WIZ: variants seen among roughly 807,000 people sequenced by gnomAD.
The protein encoded by WIZ is protein Wiz.
Under a neutral mutation model 140.2 loss-of-function variants are expected in WIZ, and 25 were observed. The observed-to-expected ratio is 0.18, with a 90% CI of 0.13 to 0.25. The LOEUF is 0.25. Among genes scored for constraint, WIZ ranks in the 10% least tolerant of loss-of-function variants. The pLI, the probability that WIZ is intolerant of heterozygous loss-of-function variation, is 1.00. For synonymous variants in WIZ, 1,125 were observed against 1,154.3 expected, an observed-to-expected ratio of 0.97 and a Z score of 0.51; for missense variants, 2,231 against 2,632.6, an observed-to-expected ratio of 0.85 and a Z score of 3.34.
In WIZ at chr19:15,427,378, C is replaced by T. The variant is rs778230146; in HGVS notation, c.3970G>A (p.Glu1324Lys). The T allele has an allele frequency of 6.2e-7, 1 of 1,613,618 alleles. No individual in the cohort carries two copies. The highest frequency in any genetic ancestry group is 1.1e-5 in the South Asian group (1 of 91,080). ...GACTGGGTCCGTCTCTTCAGGATCT[C>T]CCGCAGCGTGTCGATGGGCGAGCCA... is the stretch of plus-strand genomic sequence containing the variant. ...VNGSPIDTLR[E>K]ILKRRTQSRP... Residue 1324 changes from glutamate (E) to lysine (K), a missense_variant, in exon 9 of 13, where the codon GAG (glutamate) becomes AAG (lysine). Glu to Lys is a moderately conservative substitution (Grantham distance 56). This residue lies in a region of WIZ where 393 missense variants were observed against 451.7 expected (regional missense o/e 0.87). Coordinates refer to ENST00000673675, the MANE Select transcript of WIZ (RefSeq NM_001371589.1). This position sits in a 1 kb window ranked among gnomAD's most constrained non-coding sequence, Gnocchi z 6.4.
At position 15,427,109 on chromosome 19, in the gene WIZ, C is replaced by T; in HGVS notation, c.4239G>A (p.Lys1413=). 1 of 1,614,206 alleles carries T rather than the reference C, an allele frequency of 6.2e-7. No homozygotes were observed. Among genetic ancestry groups the T allele is most frequent in the Non-Finnish European group, 8.5e-7 (1 of 1,180,028 alleles). Residue 1413 remains lysine (K), a synonymous_variant, in exon 9 of 13, where the codon AAG becomes AAA. Transcript: ENST00000673675. This position sits in a 1 kb window ranked among gnomAD's most constrained non-coding sequence, Gnocchi z 6.4. The part of the protein sequence containing the change: ...PGLAAPSLPK[K]LKPEQIRVEI... ...CCACCCGTATTTGTTCAGGCTTCAG[C>T]TTCTTGGGCAAGGAGGGTGCAGCCA...
chr19:15,428,219 C>A lies in WIZ; in HGVS notation c.3705G>T (p.Lys1235Asn). ...GGCTGGCCATACCCGCGGCCTTCAG[C>A]TTGGCCTTCTTGGCCGGCGGTGGGG... Reference protein sequence around the residue: ...LPPPPPAKKAKLKAAGMASPW... With the variant: ...LPPPPPAKKANLKAAGMASPW... Residue 1235 changes from lysine to asparagine, a missense_variant, in exon 8 of 13, where the codon AAG becomes AAT. Coordinates refer to ENST00000673675, the MANE Select transcript of WIZ (RefSeq NM_001371589.1). The surrounding 1 kb of genome is among the most constrained non-coding windows in gnomAD (Gnocchi z 6.4). The A allele has an allele frequency of 6.5e-7, 1 of 1,532,400 alleles. No homozygotes were observed. 94.9% of individuals were successfully genotyped at this position (1,532,400 alleles called of 1,614,324 possible).
intron 2 of WIZ, among the ~76,000 whole-genome samples, chr19:15,447,226 A>C (rs538236161): frequency 6.6e-6 from 1 of 152,170 alleles, no homozygotes; most frequent in African/African-American, 2.4e-5. Flanking sequence ...CCAGCCTCCT[A>C]CCAGGTCCTT....
chr19:15,424,496 G>T lies in WIZ; in HGVS notation c.5314+117C>A. 6.5e-7 allele frequency: 1 copy of T among 1,529,020 alleles called. No individual in the cohort carries two copies. The highest frequency in any genetic ancestry group is 8.8e-7 in the Non-Finnish European group (1 of 1,135,772). 94.7% of individuals were successfully genotyped at this position (1,529,020 alleles called of 1,614,324 possible). On this transcript the variant is annotated intron_variant, in intron 11 of 12. Coordinates refer to ENST00000673675, the MANE Select transcript of WIZ (RefSeq NM_001371589.1). This position sits in a 1 kb window ranked among gnomAD's most constrained non-coding sequence, Gnocchi z 9.7. ...TGGGTGGGATGGGGGATGGATGGGT[G>T]AATGGGTAAGCAACTGGAGAAAGGA... is the stretch of plus-strand genomic sequence containing the variant.
At chr19:15,446,754 A>C (rs1228791976) in intron 2 of WIZ, among the ~76,000 whole-genome samples, 6 of 152,226 alleles carry the variant, frequency 3.9e-5, no homozygotes, top group Non-Finnish European at 8.8e-5. Context: ...ACCTGGTGAC[A>C]TAACACCGGG....
At chr19:15,425,919 A>AGGC (rs1286041413) in intron 9 of WIZ, 151 bp from the exon 10 acceptor site, 2 of 627,564 alleles carry the variant, frequency 3.2e-6, no homozygotes. Flanking sequence ...GAGGAGAAGG[A>AGGC]GGCGGCGGCT....
rs1969208200 is a variant in WIZ at position 15,431,126 on chromosome 19, G to A, written c.2797C>T (p.Pro933Ser). Residue 933 changes from proline to serine, a missense_variant, in exon 6 of 13, where the codon CCT (proline) becomes TCT (serine). This residue lies in a region of WIZ where 137 missense variants were observed against 135.8 expected (regional missense o/e 1.01). Coordinates refer to ENST00000673675, the MANE Select transcript of WIZ (RefSeq NM_001371589.1). Reference protein sequence around the residue: ...VAMDLGSPSLPKKSLPVPGAL... With the variant: ...VAMDLGSPSLSKKSLPVPGAL... ...CCAGGGACAGGCAGGCTCTTCTTAG[G>A]GAGCGAGGGAGAGCCCAAGTCCATG... 1.3e-6 allele frequency: 2 copies of A among 1,535,412 alleles called. No individual in the cohort carries two copies. The highest frequency in any genetic ancestry group is 1.4e-5 in the African/African-American group (1 of 73,038).
chr19:15,434,112 G>T (rs948400260), intron 5 of WIZ, among the ~76,000 whole-genome samples: 2 of 152,106 alleles, frequency 1.3e-5, no homozygotes, highest in Admixed American at 1.3e-4. Flanking sequence ...AAAAAAATTA[G>T]CTGGGCATGG....
intron 2 of WIZ, among the ~76,000 whole-genome samples, chr19:15,445,256 G>T (rs1427615187): frequency 6.6e-6 from 1 of 152,228 alleles, no homozygotes; most frequent in Admixed American, 6.5e-5. Flanking sequence ...CAACTTGGTA[G>T]AGTGGCCAAG....
At position 15,440,240 on chromosome 19, in the gene WIZ, A is replaced by G; in HGVS notation, c.754T>C (p.Trp252Arg). 1.3e-6 allele frequency: 2 copies of G among 1,496,972 alleles called. No individual in the cohort carries two copies. Among genetic ancestry groups the G allele is most frequent in the Non-Finnish European group, 1.8e-6 (2 of 1,127,468 alleles). 92.7% of individuals were successfully genotyped at this position (1,496,972 alleles called of 1,614,324 possible). The part of the protein sequence containing the change: ...DLEGLAQPSE[W>R]GLPTSASEVA... ...TCCGAGGCTGACGTGGGTAGGCCCCACTCGGACGGCTGGGCCAGCCCCTCC... is the reference window on the plus strand; with the variant it reads ...TCCGAGGCTGACGTGGGTAGGCCCCGCTCGGACGGCTGGGCCAGCCCCTCC... The change falls in exon 4 of 13, where the codon TGG (tryptophan) becomes CGG (arginine). Residue 252 changes from tryptophan (W) to arginine (R), a missense_variant. By Grantham distance (101) the Trp-to-Arg change is moderately radical. This residue lies in a region of WIZ where 307 missense variants were observed against 294.1 expected (regional missense o/e 1.04). Transcript: ENST00000673675. The surrounding 1 kb of genome is among the most constrained non-coding windows in gnomAD (Gnocchi z 6.2).
chr19:15,439,352 C>G lies in WIZ; in HGVS notation c.1642G>C (p.Ala548Pro). 1 of 1,535,290 alleles carries G rather than the reference C, an allele frequency of 6.5e-7. No homozygotes were observed. Among genetic ancestry groups the G allele is most frequent in the Non-Finnish European group, 8.7e-7 (1 of 1,146,474 alleles). ...AGCTGCTGGCATCCTGGGCCAAAGGCCAGGCTGGGGTCGTATCCAGCAGGG... is the reference window on the plus strand; with the variant it reads ...AGCTGCTGGCATCCTGGGCCAAAGGGCAGGCTGGGGTCGTATCCAGCAGGG... ...ENPAGYDPSL[A>P]FGPGCQQLSI... The change falls in exon 4 of 13, where the codon GCC (alanine) becomes CCC (proline). Residue 548 changes from alanine (A) to proline (P), a missense_variant. Transcript: ENST00000673675. This position sits in a 1 kb window ranked among gnomAD's most constrained non-coding sequence, Gnocchi z 7.0.
intron 5 of WIZ, chr19:15,433,275 A>G (rs998051468): frequency 1.1e-4 from 103 of 977,184 alleles, no homozygotes; most frequent in South Asian, 1.9e-4. Flanking sequence ...ACACATTTCA[A>G]TCACCGCCTG....
At position 15,449,821 on chromosome 19, in the gene WIZ, G is replaced by C. The variant is rs1306233709; in HGVS notation, c.-84C>G. The stretch of plus-strand genomic sequence containing the variant: ...ACCGGGGAGGCGGCGCCGCCGGCCA[G>C]GTGCCGGGGCTCGGAGCTCCCCTCC... On this transcript the variant is annotated 5_prime_UTR_variant, in exon 1 of 13. Transcript: ENST00000673675. 1 of 148,072 alleles carries C rather than the reference G, an allele frequency of 6.8e-6. No individual in the cohort carries two copies. The highest frequency in any genetic ancestry group is 2.4e-5 in the African/African-American group (1 of 40,930). The allele number at this position is 148,072 out of a possible 1,614,324, so 9.2% of individuals were successfully genotyped here.
chr19:15,423,601 C>T (rs114741936), intron 12 of WIZ, among the ~76,000 whole-genome samples: 2,150 of 152,296 alleles, frequency 0.014, 47 homozygotes, highest in African/African-American at 0.05. Context: ...TCCTGTCTTC[C>T]TGGCACCTAA....
rs1325696398 is a variant in WIZ, at chr19:15,440,122, C to T, written c.872G>A (p.Cys291Tyr). 3 of 1,533,940 alleles carry T rather than the reference C, an allele frequency of 2.0e-6. No individual in the cohort carries two copies. In the South Asian group the frequency reaches 3.6e-5, roughly 18 times the overall value. The part of the protein sequence containing the change: ...LPPIRTGPYL[C>Y]ELLEEVAEGV... ...TTCGGCCACCTCCTCCAGCAGCTCA[C>T]ACAGGTAGGGCCCGGTCCGGATCGG... is the stretch of plus-strand genomic sequence containing the variant. The change falls in exon 4 of 13, where the codon TGT becomes TAT. Residue 291 changes from cysteine (C) to tyrosine (Y), a missense_variant. Physicochemically the swap from Cys to Tyr is radical, Grantham distance 194 (BLOSUM62 -2). Around this residue, in one of 15 missense-constraint regions of WIZ, gnomAD observed 307 missense variants for 294.1 expected, o/e 1.04. Transcript: ENST00000673675. The surrounding 1 kb of genome is among the most constrained non-coding windows in gnomAD (Gnocchi z 6.2).
intron 2 of WIZ, among the ~76,000 whole-genome samples, chr19:15,444,502 C>G (rs1210100066): frequency 1.3e-5 from 2 of 152,132 alleles, no homozygotes; most frequent in East Asian, 3.9e-4. Context: ...GCCTCCACAC[C>G]TCCCCAGCCC....
chr19:15,429,498 T>C (rs1416952146), intron 7 of WIZ, 88 bp downstream of exon 7: 4,436 of 393,962 alleles, frequency 0.011, no homozygotes, highest in Non-Finnish European at 0.016. Flanking sequence ...CCACCCACCC[T>C]GGGCCCTGTC....
rs917548979 is a variant in WIZ at position 15,437,025 on chromosome 19, G to A, written c.2521C>T (p.Arg841Cys). 6.2e-7 allele frequency: 1 copy of A among 1,613,850 alleles called. No homozygotes were observed. Among genetic ancestry groups the A allele is most frequent in the Non-Finnish European group, 8.5e-7 (1 of 1,179,894 alleles). ...GLSSHARAHL[R>C]DFGITNWELT... ...TCCCAGTTGGTGATACCGAAGTCAC[G>A]TAGGTGGGCCCGGGCGTGGCTGGAG... The change falls in exon 5 of 13, where the codon CGT (arginine) becomes TGT (cysteine). Residue 841 changes from arginine to cysteine, a missense_variant. Transcript: ENST00000673675.
Position 15,442,974 on chromosome 19 carries a change from C to A in WIZ, c.206-226G>T, listed in dbSNP as rs1367191272. Among the ~76,000 whole-genome samples, 1 of 152,108 alleles carries A rather than the reference C, an allele frequency of 6.6e-6. No homozygotes were observed. Among genetic ancestry groups the A allele is most frequent in the Non-Finnish European group, 1.5e-5 (1 of 67,986 alleles). ...ACCCCAGGGCCTTGCTGCCTTCCAA[C>A]CCTCCTCTCTTTCCCCCAACCCAGC... On this transcript the variant is annotated intron_variant, in intron 2 of 12. Coordinates refer to ENST00000673675, the MANE Select transcript of WIZ (RefSeq NM_001371589.1). This position sits in a 1 kb window ranked among gnomAD's most constrained non-coding sequence, Gnocchi z 5.5.
Sources: gnomAD v4.1 joint callset for allele counts (sites outside exome capture counted in the v4.1 genomes callset) on GRCh38, gnomAD v4.1.1 for gene constraint, gnomAD v4.1.1 regional missense constraint, Gnocchi (gnomAD v3.1) non-coding constraint, MANE v1.5 for transcripts, NCBI Gene and HGNC (gene_info 2026-07-23, HGNC 2026-07-21) for gene names.